The following THSD7B variants were observed in gnomAD, a reference collection of about 807,000 sequenced individuals.
THSD7B encodes thrombospondin type 1 domain containing 7B, also known as thrombospondin type-1 domain-containing protein 7B.
Under a neutral mutation model 213.6 loss-of-function variants are expected in THSD7B, and 138 were observed. The ratio of observed to expected loss-of-function variants is 0.65; its 90% CI spans 0.56 to 0.74. The LOEUF (loss-of-function observed/expected upper bound fraction) is 0.74, where lower values mean the gene tolerates loss of function less well. THSD7B is among the 30% of genes least tolerant of loss of function. The pLI is 0.00. For synonymous variants in THSD7B, 742 were observed against 687.0 expected (o/e 1.08, Z -1.25); for missense variants, 1,931 against 1,991.5 (o/e 0.97, Z 0.58).
At chr2:137,257,721 A>AATTTCTGG (rs1475355667) in intron 10 of THSD7B, among the ~76,000 whole-genome samples, 2 of 152,090 alleles carry the variant, frequency 1.3e-5, no homozygotes, top group African/African-American at 4.8e-5. Flanking sequence ...TTTGAGTTTT[A>AATTTCTGG]ATTTCTGGGA....
chr2:136,834,965 A>T (rs902077807), intron 1 of THSD7B, among the ~76,000 whole-genome samples: 2 of 152,214 alleles, frequency 1.3e-5, no homozygotes. Flanking sequence ...TCATAAAACC[A>T]GTGAGAGAGG....
Position 137,605,648 on chromosome 2 carries a change from C to CT in THSD7B, c.3424-10488dup, listed in dbSNP as rs34604281. Among the ~76,000 whole-genome samples, 111 of 69,006 alleles carry CT rather than the reference C, an allele frequency of 1.6e-3. 28 individuals are homozygous for CT. Among genetic ancestry groups the CT allele is most frequent in the South Asian group, 2.8e-3 (7 of 2,510 alleles). 45.3% of individuals were successfully genotyped at this position (69,006 alleles called of 152,430 possible). The stretch of plus-strand genomic sequence containing the variant: ...AAAAAGCATATATTGGCACTTCGCA[C>CT]TTTTTTTTTTTTTTTTTTTTTTTTT... On this transcript the variant is annotated intron_variant, in intron 17 of 27. Transcript: ENST00000409968.
At chr2:137,261,864 C>A (rs1015659041) in intron 10 of THSD7B, among the ~76,000 whole-genome samples, 2 of 149,396 alleles carry the variant, frequency 1.3e-5, no homozygotes, top group African/African-American at 5.0e-5. Flanking sequence ...ATTTGGAAAA[C>A]CAATGTTTCC....
intron 3 of THSD7B, among the ~76,000 whole-genome samples, chr2:137,083,886 A>G (rs1287196063): frequency 6.6e-6 from 1 of 152,014 alleles, no homozygotes; most frequent in Non-Finnish European, 1.5e-5. Context: ...CGAATGGCCC[A>G]CTGTATGATT....
At chr2:137,633,371 G>T (rs182568501) in intron 20 of THSD7B, among the ~76,000 whole-genome samples, 357 of 152,270 alleles carry the variant, frequency 2.3e-3, no homozygotes, top group African/African-American at 8.1e-3. Context: ...TGTTAGCACA[G>T]TCACCTTAAT....
intron 13 of THSD7B, among the ~76,000 whole-genome samples, chr2:137,411,249 C>A (rs114654969): frequency 6.6e-6 from 1 of 152,176 alleles, no homozygotes; most frequent in Non-Finnish European, 1.5e-5. Context: ...GGTTCCCTGG[C>A]GATCGTTAGT....
At chr2:137,337,767 T>C (rs1255323689) in intron 12 of THSD7B, among the ~76,000 whole-genome samples, 1 of 152,110 alleles carries the variant, frequency 6.6e-6, no homozygotes, top group Non-Finnish European at 1.5e-5. Context: ...TCTTCTTTCC[T>C]ATGTATTTAT....
chr2:137,447,517 T>C (rs1687565765), intron 14 of THSD7B, among the ~76,000 whole-genome samples: 1 of 152,186 alleles, frequency 6.6e-6, no homozygotes, highest in Non-Finnish European at 1.5e-5. Flanking sequence ...TGTGACTTCC[T>C]TTTAATCCTT....
intron 12 of THSD7B, among the ~76,000 whole-genome samples, chr2:137,326,478 A>ATG (rs1299485328): frequency 4.6e-5 from 7 of 152,118 alleles, no homozygotes; most frequent in Non-Finnish European, 2.9e-5. Flanking sequence ...AAACAACTAA[A>ATG]TGTAAAAAAA....
At chr2:137,020,339 G>A (rs1285346289) in intron 2 of THSD7B, among the ~76,000 whole-genome samples, 1 of 152,158 alleles carries the variant, frequency 6.6e-6, no homozygotes, top group East Asian at 1.9e-4. Context: ...AGGCCCAGAT[G>A]GTCAAGGGCC....
intron 6 of THSD7B, among the ~76,000 whole-genome samples, chr2:137,165,839 A>G (rs1680118198): frequency 6.6e-6 from 1 of 152,062 alleles, no homozygotes; most frequent in Admixed American, 6.6e-5. Flanking sequence ...AAAAGCAAGC[A>G]AACAACAGCA....
At chr2:137,073,257 TATTA>T (rs1446000956) in intron 3 of THSD7B, among the ~76,000 whole-genome samples, 7 of 152,194 alleles carry the variant, frequency 4.6e-5, no homozygotes, top group Non-Finnish European at 1.0e-4. Context: ...GTTGGCAAGC[TATTA>T]ATTATTGCCT....
At chr2:137,356,973 C>T (rs865976853) in intron 12 of THSD7B, among the ~76,000 whole-genome samples, 4 of 134,480 alleles carry the variant, frequency 3.0e-5, no homozygotes, top group Non-Finnish European at 6.4e-5. Context: ...CACAGACACA[C>T]ACACACACAC....
intron 2 of THSD7B, among the ~76,000 whole-genome samples, chr2:137,015,444 A>G (rs1686320800): frequency 6.6e-6 from 1 of 151,982 alleles, no homozygotes; most frequent in Non-Finnish European, 1.5e-5. Flanking sequence ...GGCATATTGC[A>G]CTAGTACCCC....
At chr2:137,423,188 C>T (rs968287298) in intron 14 of THSD7B, among the ~76,000 whole-genome samples, 2 of 151,822 alleles carry the variant, frequency 1.3e-5, no homozygotes, top group Non-Finnish European at 2.9e-5. Flanking sequence ...CTTTCTCTAC[C>T]TTGATTAAAG....
intron 5 of THSD7B, among the ~76,000 whole-genome samples, chr2:137,124,833 G>A (rs1219674223): frequency 1.3e-5 from 2 of 151,962 alleles, no homozygotes; most frequent in Non-Finnish European, 2.9e-5. Context: ...CATATGCATT[G>A]CCTCACATAC....
chr2:137,662,599 T>C (rs1253814934), intron 25 of THSD7B, among the ~76,000 whole-genome samples: 1 of 152,180 alleles, frequency 6.6e-6, no homozygotes. Flanking sequence ...ATTTCGCGGC[T>C]GTGATAGCAA....
chr2:137,314,120 T>G (rs1684012363), intron 12 of THSD7B, among the ~76,000 whole-genome samples: 1 of 152,188 alleles, frequency 6.6e-6, no homozygotes, highest in African/African-American at 2.4e-5. Flanking sequence ...TTGGTTCCAT[T>G]CTCCCCATCA....
At chr2:137,003,765 C>A (rs1269979226) in intron 2 of THSD7B, among the ~76,000 whole-genome samples, 1 of 152,088 alleles carries the variant, frequency 6.6e-6, no homozygotes, top group African/African-American at 2.4e-5. Context: ...CACAGCTAAT[C>A]CTCAGGTGAA....
Sources: gnomAD v4.1 joint callset for allele counts (sites outside exome capture counted in the v4.1 genomes callset) on GRCh38, gnomAD v4.1.1 for gene constraint, MANE v1.5 for transcripts, NCBI Gene and HGNC (gene_info 2026-07-23, HGNC 2026-07-21) for gene names.